EIF4E1B: variants seen among roughly 807,000 people sequenced by gnomAD.
EIF4E1B encodes eukaryotic translation initiation factor 4E type 1B.
EIF4E1B carries 22 observed loss-of-function variants against 31.3 expected under a neutral mutation model. The observed-to-expected ratio is 0.70, with a 90% confidence interval of 0.50 to 1.00. The LOEUF (loss-of-function observed/expected upper bound fraction) is 1.00. Among genes scored for constraint, EIF4E1B ranks in the 50% least tolerant of loss-of-function variants. The pLI, the probability that EIF4E1B is intolerant of heterozygous loss-of-function variation, is 0.00. For synonymous variants in EIF4E1B, 126 were observed against 120.2 expected, an observed-to-expected ratio of 1.05 and a Z score of -0.31; for missense variants, 290 against 311.6, an observed-to-expected ratio of 0.93 and a Z score of 0.52.
chr5:176,634,445 T>C (rs943475862), intron 1 of EIF4E1B, among the ~76,000 whole-genome samples: 5 of 152,120 alleles, frequency 3.3e-5, no homozygotes, highest in Non-Finnish European at 7.4e-5. Context: ...TGTGATGTCA[T>C]TGAACAGAAA....
intron 3 of EIF4E1B, 63 bp downstream of exon 3, chr5:176,642,865 C>CCCA: frequency 4.3e-6 from 5 of 1,169,742 alleles, no homozygotes; most frequent in East Asian, 4.7e-5. Context: ...CCCCCCCCCC[C>CCCA]GCCCCAGGTG....
Position 176,642,872 on chromosome 5 carries a change from G to T in EIF4E1B, c.15+70G>T, listed in dbSNP as rs1294595188. On this transcript the variant is annotated intron_variant, in intron 3 of 8. Coordinates refer to ENST00000318682, the MANE Select transcript of EIF4E1B (RefSeq NM_001099408.2). ...CCTCTCCCCCCCCCCCCCCGCCCCA[G>T]GTGGGCGGGGCAGGTGCTGGTGGGT... The T allele has an allele frequency of 4.5e-5, 34 of 756,478 alleles. 2 individuals are homozygous for T. The highest frequency in any genetic ancestry group is 5.7e-5 in the Non-Finnish European group (34 of 597,534). The allele number at this position is 756,478 out of a possible 1,614,324, so 46.9% of individuals were successfully genotyped here.
intron 1 of EIF4E1B, among the ~76,000 whole-genome samples, chr5:176,639,647 T>A (rs1275953984): frequency 6.6e-6 from 1 of 152,090 alleles, no homozygotes; most frequent in African/African-American, 2.4e-5. Flanking sequence ...GCCGGCACAG[T>A]GGCTCACACT....
At chr5:176,639,392 A>C (rs1760541015) in intron 1 of EIF4E1B, among the ~76,000 whole-genome samples, 1 of 152,152 alleles carries the variant, frequency 6.6e-6, no homozygotes, top group Admixed American at 6.5e-5. Context: ...GAAGGGCCTC[A>C]GCGAGGGGCC....
chr5:176,642,854 C>CT, intron 3 of EIF4E1B, 52 bp downstream of exon 3: 6 of 1,253,456 alleles, frequency 4.8e-6, no homozygotes, highest in African/African-American at 5.1e-5. Context: ...CGCCCTCTCC[C>CT]CCCCCCCCCC....
At chr5:176,644,528 G>T in intron 6 of EIF4E1B, 89 bp downstream of exon 6, 2 of 1,320,026 alleles carry the variant, frequency 1.5e-6, no homozygotes, top group Non-Finnish European at 2.1e-6. Flanking sequence ...CAGAGGGGTG[G>T]GGGTGGGGAG....
chr5:176,637,786 A>G (rs1760518453), intron 1 of EIF4E1B, among the ~76,000 whole-genome samples: 1 of 152,166 alleles, frequency 6.6e-6, no homozygotes, highest in African/African-American at 2.4e-5. Context: ...CGCTGTGAGC[A>G]GAGGAGGGAG....
Position 176,643,182 on chromosome 5 carries a change from C to T in EIF4E1B, c.116C>T (p.Pro39Leu). 6.2e-7 allele frequency: 1 copy of T among 1,613,786 alleles called. No individual in the cohort carries two copies. The highest frequency in any genetic ancestry group is 1.1e-5 in the South Asian group (1 of 91,068). ...TPTGEKSPNS[P>L]RTLLSLRGKA... ...ACAGGAGAAAAGTCTCCAAACTCTC[C>T]CAGGACTTTGCTGTCTCTGAGAGGG... Residue 39 changes from proline (P) to leucine (L), a missense_variant, in exon 4 of 9, where the codon CCC becomes CTC. Transcript: ENST00000318682.
At chr5:176,642,609 A>G in intron 2 of EIF4E1B, 101 bp from the exon 3 acceptor site, 1 of 985,606 alleles carries the variant, frequency 1.0e-6, no homozygotes, top group South Asian at 1.8e-5. Flanking sequence ...TGCTTCTGCC[A>G]TCGGCAGGGC....
chr5:176,644,283 G>A (rs1377232112), intron 5 of EIF4E1B, 93 bp from the exon 6 acceptor site: 7 of 1,324,978 alleles, frequency 5.3e-6, no homozygotes, highest in Non-Finnish European at 7.3e-6. Context: ...TGGAGGCCAT[G>A]GGGTCGGATG....
intron 1 of EIF4E1B, among the ~76,000 whole-genome samples, chr5:176,640,487 C>T (rs1760555492): frequency 6.6e-6 from 1 of 152,224 alleles, no homozygotes; most frequent in South Asian, 2.1e-4. Context: ...TTCACCCCTC[C>T]AGGGCCTATC....
At chr5:176,635,541 T>A (rs1013888712) in intron 1 of EIF4E1B, among the ~76,000 whole-genome samples, 2 of 152,052 alleles carry the variant, frequency 1.3e-5, no homozygotes, top group African/African-American at 4.8e-5. Flanking sequence ...AGGCAGGAAG[T>A]TCGTTTGGCT....
intron 1 of EIF4E1B, among the ~76,000 whole-genome samples, chr5:176,635,357 C>A (rs1051150379): frequency 6.6e-6 from 1 of 151,996 alleles, no homozygotes; most frequent in East Asian, 1.9e-4. Context: ...TAGCAGTGAG[C>A]GCAAAGAGGG....
chr5:176,634,477 T>G (rs1760461872), intron 1 of EIF4E1B, among the ~76,000 whole-genome samples: 1 of 152,094 alleles, frequency 6.6e-6, no homozygotes, highest in African/African-American at 2.4e-5. Context: ...TATCTAGAAT[T>G]TTCATGAGAC....
chr5:176,643,888 C>T, intron 5 of EIF4E1B, 154 bp downstream of exon 5: 1 of 697,018 alleles, frequency 1.4e-6, no homozygotes, highest in Non-Finnish European at 2.4e-6. Context: ...CACAACCACC[C>T]CCCACCCCAC....
At chr5:176,639,748 C>G (rs1309076541) in intron 1 of EIF4E1B, among the ~76,000 whole-genome samples, 1 of 151,898 alleles carries the variant, frequency 6.6e-6, no homozygotes, top group Non-Finnish European at 1.5e-5. Context: ...CATATTGAGA[C>G]CTCATCTCTA....
Position 176,646,043 on chromosome 5 carries a change from G to T in EIF4E1B, c.*63G>T. 1 of 1,404,102 alleles carries T rather than the reference G, an allele frequency of 7.1e-7. No homozygotes were observed. The highest frequency in any genetic ancestry group is 9.8e-7 in the Non-Finnish European group (1 of 1,015,702). 87.0% of individuals were successfully genotyped at this position (1,404,102 alleles called of 1,614,324 possible). On this transcript the variant is annotated 3_prime_UTR_variant, in exon 9 of 9. Coordinates refer to ENST00000318682, the MANE Select transcript of EIF4E1B (RefSeq NM_001099408.2). ...CGCCACTGAGCCTCATTACTTTGGG[G>T]GATGGGGCGGGACTGGGGATCAGAC...
Position 176,643,105 on chromosome 5 carries a change from C to T in EIF4E1B, c.39C>T (p.Ile13=), listed in dbSNP as rs114992074. The T allele has an allele frequency of 5.0e-3, 8,012 of 1,612,906 alleles. 328 individuals carry two copies. In the African/African-American group the frequency reaches 0.089, roughly 18 times the overall value. ...AVEVSEAEGG[I]REWEEEEKEE... Reference sequence around the variant, plus strand: ...AGGTGAGTGAAGCTGAGGGTGGAATCCGAGAGTGGGAGGAGGAGGAGAAGG... The same window carrying T: ...AGGTGAGTGAAGCTGAGGGTGGAATTCGAGAGTGGGAGGAGGAGGAGAAGG... The change falls in exon 4 of 9, where the codon ATC becomes ATT. Residue 13 remains isoleucine, a synonymous_variant. Coordinates refer to ENST00000318682, the MANE Select transcript of EIF4E1B (RefSeq NM_001099408.2).
At position 176,643,121 on chromosome 5, in the gene EIF4E1B, G is replaced by GAGGAGA; in HGVS notation, c.61_66dup (p.Lys21_Glu22dup). 1.9e-6 allele frequency: 3 copies of GAGGAGA among 1,613,804 alleles called. No homozygotes were observed. Among genetic ancestry groups the GAGGAGA allele is most frequent in the Non-Finnish European group, 2.5e-6 (3 of 1,179,790 alleles). ...GGGTGGAATCCGAGAGTGGGAGGAG[G>GAGGAGA]AGGAGAAGGAGGAGGAGGCAGCAGA... is the stretch of plus-strand genomic sequence containing the variant. On this transcript the variant is annotated inframe_insertion, in exon 4 of 9. Coordinates refer to ENST00000318682, the MANE Select transcript of EIF4E1B (RefSeq NM_001099408.2).
Sources: gnomAD v4.1 joint callset for allele counts (sites outside exome capture counted in the v4.1 genomes callset) on GRCh38, gnomAD v4.1.1 for gene constraint, MANE v1.5 for transcripts, NCBI Gene and HGNC (gene_info 2026-07-23, HGNC 2026-07-21) for gene names.